Variants in SHANK2 observed in about 807,000 individuals in gnomAD.
SHANK2 encodes the protein SH3 and multiple ankyrin repeat domains 2.
A neutral mutation model predicts 133.7 loss-of-function variants in SHANK2; 43 were observed. That is an observed-to-expected ratio of 0.32 (90% CI 0.25 to 0.41). The LOEUF (loss-of-function observed/expected upper bound fraction) is 0.41, where lower values mean the gene tolerates loss of function less well. SHANK2 is among the 10% of genes least tolerant of loss of function. The probability of loss-of-function intolerance (pLI) is 1.00; values close to 1 mark genes in which losing one functional copy is unlikely to be tolerated. For synonymous variants in SHANK2, 1,017 were observed against 952.8 expected, an observed-to-expected ratio of 1.07 and a Z score of -1.24; for missense variants, 1,994 against 2,235.8, an observed-to-expected ratio of 0.89 and a Z score of 2.18.
chr11:70,632,564 T>C (rs1324372843), intron 17 of SHANK2, among the ~76,000 whole-genome samples: 2 of 152,096 alleles, frequency 1.3e-5, no homozygotes, highest in Non-Finnish European at 2.9e-5. Context: ...GATTGTTTTA[T>C]AGAACCGCCT....
At chr11:70,938,482 C>T (rs970809662) in intron 10 of SHANK2, among the ~76,000 whole-genome samples, 2 of 152,202 alleles carry the variant, frequency 1.3e-5, no homozygotes, top group African/African-American at 2.4e-5. Flanking sequence ...AGACGGGAGG[C>T]ACAGAGGCTA....
intron 17 of SHANK2, among the ~76,000 whole-genome samples, chr11:70,550,344 G>A (rs899633877): frequency 6.6e-6 from 1 of 152,150 alleles, no homozygotes; most frequent in African/African-American, 2.4e-5. Flanking sequence ...AGCACAGCTG[G>A]TCTTGGAGCA....
At chr11:70,784,648 C>T (rs1947608475) in intron 14 of SHANK2, among the ~76,000 whole-genome samples, 1 of 152,104 alleles carries the variant, frequency 6.6e-6, no homozygotes, top group Non-Finnish European at 1.5e-5. Flanking sequence ...CATTGACCAG[C>T]GAGGTGATGT....
Position 70,715,749 on chromosome 11 carries a change from C to T in SHANK2, c.1778-16986G>A, listed in dbSNP as rs115838189. 1.5e-3 allele frequency among the ~76,000 whole-genome samples: 235 copies of T among 152,332 alleles called. 2 individuals are homozygous for T. The highest frequency in any genetic ancestry group is 6.8e-3 in the Middle Eastern group (2 of 294). On this transcript the variant is annotated intron_variant, in intron 14 of 25. Transcript: ENST00000601538. Reference sequence around the variant, plus strand: ...TGAGCTCGGCTGGGAGTGTCCATGCCGAAGCAGGCTCCGTTTCCAGAATGG... The same window carrying T: ...TGAGCTCGGCTGGGAGTGTCCATGCTGAAGCAGGCTCCGTTTCCAGAATGG...
intron 17 of SHANK2, among the ~76,000 whole-genome samples, chr11:70,636,620 T>C (rs1444057637): frequency 1.3e-5 from 2 of 151,782 alleles, no homozygotes; most frequent in East Asian, 1.9e-4. Flanking sequence ...TATGCGAGCA[T>C]GTGTGAGCAT....
chr11:71,222,210 C>A (rs1954558494), intron 2 of SHANK2, among the ~76,000 whole-genome samples: 1 of 151,832 alleles, frequency 6.6e-6, no homozygotes, highest in Non-Finnish European at 1.5e-5. Context: ...TCCCCTGTCC[C>A]AAGGTCACCA....
intron 11 of SHANK2, among the ~76,000 whole-genome samples, chr11:70,838,842 C>G (rs1278232583): frequency 1.3e-5 from 2 of 152,192 alleles, no homozygotes; most frequent in African/African-American, 2.4e-5. Flanking sequence ...ACTCTGACCC[C>G]AACCTCCAAC....
chr11:71,131,862 C>T (rs542021628), intron 3 of SHANK2, among the ~76,000 whole-genome samples: 1 of 152,286 alleles, frequency 6.6e-6, no homozygotes, highest in East Asian at 1.9e-4. Context: ...TCCTTATGTT[C>T]TCCGGGAGGC....
intron 10 of SHANK2, among the ~76,000 whole-genome samples, chr11:70,916,195 G>A (rs150860809): frequency 0.015 from 2,257 of 152,290 alleles, 58 homozygotes; most frequent in African/African-American, 0.052. Context: ...GACATTCTTG[G>A]CCGTCCCTTG....
intron 16 of SHANK2, 40 bp downstream of exon 16, chr11:70,661,546 CACACACACAA>C: frequency 4.7e-6 from 6 of 1,282,178 alleles, no homozygotes; most frequent in Non-Finnish European, 6.7e-6. Flanking sequence ...CACACACACA[CACACACACAA>C]ACATGGGAAC....
At chr11:70,547,352 T>C (rs1554976597) in intron 17 of SHANK2, among the ~76,000 whole-genome samples, 2 of 152,064 alleles carry the variant, frequency 1.3e-5, no homozygotes, top group Non-Finnish European at 2.9e-5. Flanking sequence ...CCTCCACCTC[T>C]TGGGTTCAAG....
chr11:70,848,524 C>T (rs1178278428), intron 11 of SHANK2, among the ~76,000 whole-genome samples: 2 of 152,282 alleles, frequency 1.3e-5, no homozygotes, highest in South Asian at 2.1e-4. Flanking sequence ...CAGGCCTTAC[C>T]AGGACCTTAA....
At chr11:71,224,605 G>C (rs2135743266) in intron 2 of SHANK2, 92 bp downstream of exon 2, 1 of 152,396 alleles carries the variant, frequency 6.6e-6, no homozygotes, top group Admixed American at 6.5e-5. Flanking sequence ...TAAAGTCCCT[G>C]GCCACAGTGC....
At chr11:71,079,834 A>AGGGAGGGGAAGGAAG (rs1355842694) in intron 8 of SHANK2, among the ~76,000 whole-genome samples, 4 of 96,690 alleles carry the variant, frequency 4.1e-5, no homozygotes, top group African/African-American at 1.6e-4. Flanking sequence ...GGAAAGGGAA[A>AGGGAGGGGAAGGAAG]GGGAGGGGAA....
intron 11 of SHANK2, among the ~76,000 whole-genome samples, chr11:70,836,275 A>G (rs1156553519): frequency 6.6e-6 from 1 of 152,230 alleles, no homozygotes; most frequent in Admixed American, 6.5e-5. Flanking sequence ...GCCACTGGGC[A>G]CAGAGGGAAA....
intron 12 of SHANK2, among the ~76,000 whole-genome samples, chr11:70,809,905 T>C (rs1319686300): frequency 1.3e-5 from 2 of 152,200 alleles, no homozygotes; most frequent in African/African-American, 4.8e-5. Context: ...CAGCCACAAA[T>C]GTGGCAGTCA....
At position 71,143,365 on chromosome 11, in the gene SHANK2, C is replaced by T. The variant is rs144586495; in HGVS notation, c.207+3755G>A. On this transcript the variant is annotated intron_variant, in intron 3 of 25. Transcript: ENST00000601538. ...TGAATTTTGTATTGGGGTATGCCTACTTGCTAAAATTTATTTGTAACCCCA... is the reference window on the plus strand; with the variant it reads ...TGAATTTTGTATTGGGGTATGCCTATTTGCTAAAATTTATTTGTAACCCCA... 3.9e-5 allele frequency among the ~76,000 whole-genome samples: 6 copies of T among 152,236 alleles called. 1 individual carries two copies. Among genetic ancestry groups the T allele is most frequent in the Non-Finnish European group, 8.8e-5 (6 of 68,048 alleles).
chr11:70,513,358 G>A (rs1165733590), intron 17 of SHANK2, among the ~76,000 whole-genome samples: 1 of 152,176 alleles, frequency 6.6e-6, no homozygotes, highest in African/African-American at 2.4e-5. Context: ...AGCTGTGTGT[G>A]TAAGGAAGAC....
intron 11 of SHANK2, among the ~76,000 whole-genome samples, chr11:70,852,512 C>T (rs868972813): frequency 6.6e-6 from 1 of 152,168 alleles, no homozygotes; most frequent in Non-Finnish European, 1.5e-5. Flanking sequence ...CTGCACTCCA[C>T]GAAGGTCCCC....
Sources: allele counts gnomAD v4.1 joint callset (sites outside exome capture counted in the v4.1 genomes callset), GRCh38; gene constraint gnomAD v4.1.1; transcripts MANE v1.5; gene names NCBI Gene and HGNC (gene_info 2026-07-23, HGNC 2026-07-21).